Variants in HECA observed in about 807,000 individuals in gnomAD.
HECA encodes the protein headcase protein homolog.
In HECA, 13 loss-of-function variants were observed where a neutral mutation model predicts 37.6. The ratio of observed to expected loss-of-function variants is 0.35; its 90% CI spans 0.23 to 0.55. The LOEUF (loss-of-function observed/expected upper bound fraction) is 0.55. Ranked by LOEUF, HECA falls within the 20% of genes least tolerant of loss-of-function variation. The probability of loss-of-function intolerance (pLI) is 0.90; values close to 1 mark genes in which losing one functional copy is unlikely to be tolerated. For missense variants in HECA, 527 were observed against 701.9 expected (o/e 0.75, Z 2.82); for synonymous variants, 307 against 291.5 (o/e 1.05, Z -0.54).
At position 139,151,837 on chromosome 6, in the gene HECA, C is replaced by T. The variant is rs185152153; in HGVS notation, c.272-14447C>T. 5.1e-4 allele frequency among the ~76,000 whole-genome samples: 77 copies of T among 152,286 alleles called. 1 individual carries two copies. Among genetic ancestry groups the T allele is most frequent in the Admixed American group, 1.4e-3 (21 of 15,302 alleles). On this transcript the variant is annotated intron_variant, in intron 1 of 3. Transcript: ENST00000367658. ...AGAACTACATACTACAATCTGGTTA[C>T]GCAAAGCTGTGGGGTCACAGCCTCT...
chr6:139,169,519 A>G (rs1050501861), intron 2 of HECA: 6 of 152,228 alleles, frequency 3.9e-5, no homozygotes, highest in Admixed American at 2.6e-4. Context: ...TTTCATTTTG[A>G]GAATTGTACC....
In HECA at chr6:139,166,279, C is replaced by T. The variant is rs771911128; in HGVS notation, c.272-5C>T. ...AAATCTGTTCTCTCTTTATTCCTCC[C>T]CCAGAAGCCCCATGTGCCACTCCCC... On this transcript the variant is annotated splice_polypyrimidine_tract_variant and splice_region_variant and intron_variant, in intron 1 of 3. Coordinates refer to ENST00000367658, the MANE Select transcript of HECA (RefSeq NM_016217.3). The T allele has an allele frequency of 1.3e-6, 2 of 1,583,964 alleles. No homozygotes were observed. Among genetic ancestry groups the T allele is most frequent in the African/African-American group, 2.7e-5 (2 of 73,884 alleles).
chr6:139,173,163 C>A (rs1490928733), intron 2 of HECA, among the ~76,000 whole-genome samples: 1 of 152,148 alleles, frequency 6.6e-6, no homozygotes, highest in African/African-American at 2.4e-5. Flanking sequence ...ATTTTCAATG[C>A]CGTAGAGCAG....
In HECA at chr6:139,166,671, A is replaced by C. The variant is rs1449587894; in HGVS notation, c.659A>C (p.Glu220Ala). Residue 220 changes from glutamate (E) to alanine (A), a missense_variant, in exon 2 of 4, where the codon GAG becomes GCG. Physicochemically the swap from Glu to Ala is moderately radical, Grantham distance 107. Coordinates refer to ENST00000367658, the MANE Select transcript of HECA (RefSeq NM_016217.3). ...GGGAGGCCTCCTGGTGAGGCGGCGGAGGAGGCAAAAAAGTGCAGGCCCCCA... is the reference window on the plus strand; with the variant it reads ...GGGAGGCCTCCTGGTGAGGCGGCGGCGGAGGCAAAAAAGTGCAGGCCCCCA... ...NTGRPPGEAA[E>A]EAKKCRPPNK... 3.7e-6 allele frequency: 6 copies of C among 1,613,844 alleles called. No homozygotes were observed. The highest frequency in any genetic ancestry group is 5.1e-6 in the Non-Finnish European group (6 of 1,179,890).
chr6:139,141,289 CTT>C (rs1313068039), intron 1 of HECA, among the ~76,000 whole-genome samples: 1 of 152,030 alleles, frequency 6.6e-6, no homozygotes, highest in Non-Finnish European at 1.5e-5. Flanking sequence ...TCTCACAAAA[CTT>C]TTAAAAGTAC....
At chr6:139,158,684 A>AAG (rs1018066668) in intron 1 of HECA, among the ~76,000 whole-genome samples, 26 of 151,404 alleles carry the variant, frequency 1.7e-4, no homozygotes, top group Admixed American at 7.2e-4. Context: ...AAAAAAAAAA[A>AAG]AAAGAAAAAT....
At chr6:139,161,911 T>C (rs1212799423) in intron 1 of HECA, among the ~76,000 whole-genome samples, 1 of 152,222 alleles carries the variant, frequency 6.6e-6, no homozygotes, top group African/African-American at 2.4e-5. Context: ...AGGTGACTGG[T>C]GAATTTACTC....
rs1264545857 is a variant in HECA, at chr6:139,135,375, T to C, written c.-22T>C. ...TCCGCCTTCGCTGACGCCGGGCACC[T>C]ACCTGGACGCGAGCGAGCGAGATGC... On this transcript the variant is annotated 5_prime_UTR_variant, in exon 1 of 4. Transcript: ENST00000367658. The C allele has an allele frequency of 7.5e-7, 1 of 1,332,396 alleles. No individual in the cohort carries two copies. The highest frequency in any genetic ancestry group is 9.8e-7 in the Non-Finnish European group (1 of 1,016,350). The allele number at this position is 1,332,396 out of a possible 1,614,324, so 82.5% of individuals were successfully genotyped here. A position where few individuals can be genotyped will look rare whatever the true frequency, so the allele number is the denominator to read the frequency against.
intron 1 of HECA, chr6:139,144,716 C>A (rs1296407544): frequency 6.6e-6 from 1 of 152,194 alleles, no homozygotes; most frequent in Non-Finnish European, 1.5e-5. Context: ...GAATGAGTAT[C>A]TTTTAATATA....
At position 139,177,740 on chromosome 6, in the gene HECA, A is replaced by C. The variant is rs1014349833; in HGVS notation, c.*635A>C. ...ACATATGAAAGATATTAGTGTTGCA[A>C]ATATGTTTAGGTAAACTGACCTATA... On this transcript the variant is annotated 3_prime_UTR_variant, in exon 4 of 4. Coordinates refer to ENST00000367658, the MANE Select transcript of HECA (RefSeq NM_016217.3). The surrounding 1 kb of genome is among the most constrained non-coding windows in gnomAD (Gnocchi z 4.9). 6.6e-6 allele frequency: 1 copy of C among 152,380 alleles called. No homozygotes were observed. Among genetic ancestry groups the C allele is most frequent in the Non-Finnish European group, 1.5e-5 (1 of 68,050 alleles). The allele number at this position is 152,380 out of a possible 1,614,324, so 9.4% of individuals were successfully genotyped here.
chr6:139,159,988 A>G (rs1774774352), intron 1 of HECA, among the ~76,000 whole-genome samples: 1 of 152,200 alleles, frequency 6.6e-6, no homozygotes, highest in South Asian at 2.1e-4. Flanking sequence ...TTGGGCATTC[A>G]GTGTGATCCT....
In HECA at chr6:139,135,548, GGGC is replaced by G. The variant is rs893354464; in HGVS notation, c.164_166del (p.Ala55del). ...GCCCTGGCGGCGGCGGCCGGTTGCG[GGGC>G]GGCGGCGGCGGGCGCGCCGGGCGCC... is the stretch of plus-strand genomic sequence containing the variant. On this transcript the variant is annotated inframe_deletion, in exon 1 of 4. Transcript: ENST00000367658. 40 of 975,146 alleles carry G rather than the reference GGGC, an allele frequency of 4.1e-5. No individual in the cohort carries two copies. The highest frequency in any genetic ancestry group is 1.1e-4 in the African/African-American group (6 of 56,132). 60.4% of individuals were successfully genotyped at this position (975,146 alleles called of 1,614,324 possible).
At chr6:139,164,080 A>ACACTCTCTCT (rs1554218212) in intron 1 of HECA, among the ~76,000 whole-genome samples, 6 of 148,068 alleles carry the variant, frequency 4.1e-5, no homozygotes, top group African/African-American at 1.2e-4. Flanking sequence ...ACACACACAC[A>ACACTCTCTCT]CTCTCTCTCT....
Position 139,177,810 on chromosome 6 carries a change from A to G in HECA, c.*705A>G, listed in dbSNP as rs1470376908. 1 of 152,258 alleles carries G rather than the reference A, an allele frequency of 6.6e-6. No homozygotes were observed. The highest frequency in any genetic ancestry group is 1.5e-5 in the Non-Finnish European group (1 of 68,050). The allele number at this position is 152,258 out of a possible 1,614,324, so 9.4% of individuals were successfully genotyped here. A position where few individuals can be genotyped will look rare whatever the true frequency, so the allele number is the denominator to read the frequency against. ...TTTGGAAATAATGCAAGAAGGCAGA[A>G]CTCAATCATTTAAATTGTGTCTTTG... On this transcript the variant is annotated 3_prime_UTR_variant, in exon 4 of 4. Transcript: ENST00000367658. This position sits in a 1 kb window ranked among gnomAD's most constrained non-coding sequence, Gnocchi z 4.9.
chr6:139,158,204 T>C (rs906103678), intron 1 of HECA, among the ~76,000 whole-genome samples: 2 of 150,872 alleles, frequency 1.3e-5, no homozygotes, highest in Non-Finnish European at 3.0e-5. Flanking sequence ...AAAATTTTTT[T>C]ATAAAAAGTC....
intron 1 of HECA, among the ~76,000 whole-genome samples, chr6:139,163,905 A>G (rs1774842883): frequency 6.6e-6 from 1 of 151,770 alleles, no homozygotes; most frequent in Admixed American, 6.6e-5. Context: ...AGCTCTCTTG[A>G]GCTCCAGTCA....
chr6:139,167,078 A>G lies in HECA; in HGVS notation c.1066A>G (p.Ile356Val), dbSNP rs768911290. 5.6e-6 allele frequency: 9 copies of G among 1,614,064 alleles called. No homozygotes were observed. Among genetic ancestry groups the G allele is most frequent in the East Asian group, 2.2e-5 (1 of 44,876 alleles). ...GGACCTCTCCGAACTCCTCACTCAC[A>G]TCCCCAGGCATAAGCTGAACACTTT... is the stretch of plus-strand genomic sequence containing the variant. ...RLDLSELLTH[I>V]PRHKLNTFHV... Residue 356 changes from isoleucine to valine, a missense_variant, in exon 2 of 4, where the codon ATC becomes GTC. Coordinates refer to ENST00000367658, the MANE Select transcript of HECA (RefSeq NM_016217.3).
chr6:139,139,603 A>C (rs1439033809), intron 1 of HECA, among the ~76,000 whole-genome samples: 3 of 152,224 alleles, frequency 2.0e-5, no homozygotes, highest in African/African-American at 7.2e-5. Flanking sequence ...TGCATCTGTA[A>C]CAGAGACCCC....
chr6:139,154,195 G>A (rs1397502034), intron 1 of HECA, among the ~76,000 whole-genome samples: 1 of 152,190 alleles, frequency 6.6e-6, no homozygotes, highest in African/African-American at 2.4e-5. Context: ...AAATAAGCCT[G>A]TGTATGTTCA....
Sources: allele counts gnomAD v4.1 joint callset (sites outside exome capture counted in the v4.1 genomes callset), GRCh38; gene constraint gnomAD v4.1.1; non-coding constraint Gnocchi (gnomAD v3.1); transcripts MANE v1.5; gene names NCBI Gene and HGNC (gene_info 2026-07-23, HGNC 2026-07-21).